Variants in INVS observed in about 807,000 individuals in gnomAD.
INVS encodes inversin.
Under a neutral mutation model 108.8 loss-of-function variants are expected in INVS, and 86 were observed. That is an observed-to-expected ratio of 0.79 (90% CI 0.66 to 0.95). The LOEUF is 0.95. Among genes scored for constraint, INVS ranks in the 40% least tolerant of loss-of-function variants. The pLI is 0.00. For missense variants in INVS, 1,169 were observed against 1,297.4 expected, an observed-to-expected ratio of 0.90 and a Z score of 1.52; for synonymous variants, 455 against 473.5, an observed-to-expected ratio of 0.96 and a Z score of 0.51.
At position 100,292,653 on chromosome 9, in the gene INVS, G is replaced by C; in HGVS notation, c.2396G>C (p.Arg799Thr). The C allele has an allele frequency of 6.2e-7, 1 of 1,614,208 alleles. No individual in the cohort carries two copies. The highest frequency in any genetic ancestry group is 1.1e-5 in the South Asian group (1 of 91,080). ...APQKRRTQEL[R>T]GGRCSPAGSS... is the part of the protein sequence containing the mutation. ...CAGAAAAGGCGCACTCAAGAGCTCAGAGGAGGAAGGTGCTCTCCGGCTGGT... is the reference window on the plus strand; with the variant it reads ...CAGAAAAGGCGCACTCAAGAGCTCACAGGAGGAAGGTGCTCTCCGGCTGGT... The change falls in exon 14 of 17, where the codon AGA becomes ACA. Residue 799 changes from arginine to threonine, a missense_variant. Coordinates refer to ENST00000262457, the MANE Select transcript of INVS (RefSeq NM_014425.5).
chr9:100,131,002 A>C lies in INVS; in HGVS notation c.273+4453A>C, dbSNP rs565694185. 32 of 152,216 alleles carry C rather than the reference A, an allele frequency of 2.1e-4. 1 individual carries two copies. The highest frequency in any genetic ancestry group is 1.9e-3 in the East Asian group (10 of 5,190). The allele number at this position is 152,216 out of a possible 1,614,324, so 9.4% of individuals were successfully genotyped here. A position where few individuals can be genotyped will look rare whatever the true frequency, so the allele number is the denominator to read the frequency against. On this transcript the variant is annotated intron_variant, in intron 3 of 16. Transcript: ENST00000262457. The stretch of plus-strand genomic sequence containing the variant: ...CTCATACATTATTTATTATGTTTCT[A>C]GTTTTTGTGTGTGTGTGATAGTGAA...
chr9:100,251,497 T>C (rs995868117), intron 8 of INVS, among the ~76,000 whole-genome samples: 2 of 152,250 alleles, frequency 1.3e-5, no homozygotes, highest in South Asian at 2.1e-4. Flanking sequence ...TTAAAACCTC[T>C]GGACAGCACA....
intron 3 of INVS, among the ~76,000 whole-genome samples, chr9:100,193,663 A>C (rs1830290313): frequency 6.6e-6 from 1 of 152,150 alleles, no homozygotes; most frequent in South Asian, 2.1e-4. Flanking sequence ...TTGCATTTTC[A>C]AGAATTTTAT....
intron 3 of INVS, among the ~76,000 whole-genome samples, chr9:100,143,993 C>G (rs542774211): frequency 6.6e-6 from 1 of 152,136 alleles, no homozygotes; most frequent in Non-Finnish European, 1.5e-5. Context: ...GAAGGAGTCA[C>G]TCAGAGAGCC....
intron 5 of INVS, among the ~76,000 whole-genome samples, chr9:100,232,646 C>G (rs1831548979): frequency 6.6e-6 from 1 of 152,136 alleles, no homozygotes; most frequent in Admixed American, 6.6e-5. Flanking sequence ...TCAGCTTTGT[C>G]ATAGATCAGA....
At chr9:100,135,463 C>G (rs1701086781) in intron 3 of INVS, among the ~76,000 whole-genome samples, 1 of 152,214 alleles carries the variant, frequency 6.6e-6, no homozygotes, top group South Asian at 2.1e-4. Flanking sequence ...ATGTGCTTAT[C>G]TAACAAGCTC....
chr9:100,286,077 T>C (rs1025051645), intron 13 of INVS, among the ~76,000 whole-genome samples: 3 of 152,204 alleles, frequency 2.0e-5, no homozygotes, highest in African/African-American at 7.2e-5. Flanking sequence ...ATCTGTTTCT[T>C]TGAACCTTAA....
intron 1 of INVS, among the ~76,000 whole-genome samples, chr9:100,099,996 C>T (rs1322035862): frequency 2.0e-5 from 3 of 152,182 alleles, no homozygotes; most frequent in African/African-American, 7.2e-5. Flanking sequence ...TCTCTGAGAA[C>T]TTCCCGAACA....
chr9:100,264,356 G>GC (rs1832718577), intron 10 of INVS, among the ~76,000 whole-genome samples: 1 of 152,108 alleles, frequency 6.6e-6, no homozygotes, highest in East Asian at 1.9e-4. Flanking sequence ...GTTGGCTCAC[G>GC]CCTGTAATCC....
chr9:100,299,635 GACACACACACACACACAC>G (rs10530240), intron 16 of INVS, among the ~76,000 whole-genome samples: 67 of 132,362 alleles, frequency 5.1e-4, no homozygotes, highest in African/African-American at 1.6e-3. Flanking sequence ...GCCTTTTATT[GACACACACACACACACAC>G]ACACACACAC....
intron 3 of INVS, among the ~76,000 whole-genome samples, chr9:100,196,618 C>A (rs914388081): frequency 4.6e-5 from 7 of 151,094 alleles, no homozygotes; most frequent in Non-Finnish European, 1.0e-4. Flanking sequence ...CTATCTCAAT[C>A]TTTTTCTAGC....
intron 3 of INVS, among the ~76,000 whole-genome samples, chr9:100,159,192 C>T (rs1829095203): frequency 6.6e-6 from 1 of 151,978 alleles, no homozygotes; most frequent in Non-Finnish European, 1.5e-5. Flanking sequence ...TGCATATGTG[C>T]TAGAGAAGAA....
chr9:100,265,242 C>T (rs1486648897), intron 11 of INVS, among the ~76,000 whole-genome samples: 1 of 152,072 alleles, frequency 6.6e-6, no homozygotes, highest in Non-Finnish European at 1.5e-5. Context: ...CATGCCCAGC[C>T]AAGTTGTTGA....
At chr9:100,227,431 A>G (rs1831364579) in intron 4 of INVS, among the ~76,000 whole-genome samples, 1 of 152,168 alleles carries the variant, frequency 6.6e-6, no homozygotes, top group Non-Finnish European at 1.5e-5. Context: ...ACGAGGGCTA[A>G]TATATATTTA....
At chr9:100,272,754 C>A in intron 11 of INVS, 110 bp from the exon 12 acceptor site, 2 of 1,037,866 alleles carry the variant, frequency 1.9e-6, no homozygotes, top group Non-Finnish European at 2.9e-6. Context: ...GGGAATATTC[C>A]ACATCTTAGA....
At chr9:100,249,934 G>A (rs1270818199) in intron 8 of INVS, among the ~76,000 whole-genome samples, 4 of 151,804 alleles carry the variant, frequency 2.6e-5, no homozygotes, top group African/African-American at 7.2e-5. Context: ...GTGAAACCCC[G>A]TCTCTGCTAA....
chr9:100,157,258 C>CT (rs917427091), intron 3 of INVS, among the ~76,000 whole-genome samples: 1 of 121,066 alleles, frequency 8.3e-6, no homozygotes, highest in African/African-American at 4.4e-5. Context: ...GTAAAAATTT[C>CT]TTTTTTTTCT....
intron 3 of INVS, among the ~76,000 whole-genome samples, chr9:100,143,492 C>A (rs1214790492): frequency 6.6e-6 from 1 of 151,694 alleles, no homozygotes; most frequent in Non-Finnish European, 1.5e-5. Context: ...GTAAGGGGTG[C>A]AGGATCGGTC....
At chr9:100,274,294 G>A (rs933191760) in intron 12 of INVS, among the ~76,000 whole-genome samples, 1 of 151,954 alleles carries the variant, frequency 6.6e-6, no homozygotes, top group African/African-American at 2.4e-5. Flanking sequence ...GGAAGCAGAG[G>A]TTGCAGTGAG....
Sources: allele counts gnomAD v4.1 joint callset (sites outside exome capture counted in the v4.1 genomes callset), GRCh38; gene constraint gnomAD v4.1.1; transcripts MANE v1.5; gene names NCBI Gene and HGNC (gene_info 2026-07-23, HGNC 2026-07-21).